The following ARHGEF37 variants were observed in gnomAD, a reference collection of about 807,000 sequenced individuals.
ARHGEF37 encodes Rho guanine nucleotide exchange factor 37.
Under a neutral mutation model 71.1 loss-of-function variants are expected in ARHGEF37, and 55 were observed. The ratio of observed to expected loss-of-function variants is 0.77; its 90% CI spans 0.62 to 0.97. The LOEUF (loss-of-function observed/expected upper bound fraction) is 0.97, where lower values mean the gene tolerates loss of function less well. ARHGEF37 is among the 50% of genes least tolerant of loss of function. The pLI is 0.00. For missense variants in ARHGEF37, 765 were observed against 836.8 expected (o/e 0.91, Z 1.06); for synonymous variants, 327 against 350.6 (o/e 0.93, Z 0.75).
chr5:149,624,093 T>C lies in ARHGEF37; in HGVS notation c.1417T>C (p.Ser473Pro), dbSNP rs1321512108. 1.9e-6 allele frequency: 3 copies of C among 1,612,006 alleles called. No individual in the cohort carries two copies. Among genetic ancestry groups the C allele is most frequent in the Middle Eastern group, 1.6e-4 (1 of 6,080 alleles). ...GGGCCGGACGAGTAACCAGCTTCGC[T>C]CCTTTCAAGAGACCTTTGAGAAAGT... The part of the protein sequence containing the change: ...ALGRTSNQLR[S>P]FQETFEKVQP... Residue 473 changes from serine (S) to proline (P), a missense_variant, in exon 10 of 13, where the codon TCC becomes CCC. Physicochemically the swap from Ser to Pro is moderately conservative, Grantham distance 74 (BLOSUM62 -1). Around this residue, in one of 5 missense-constraint regions of ARHGEF37, gnomAD observed 390 missense variants for 407.4 expected, o/e 0.96. Transcript: ENST00000333677.
chr5:149,621,822 G>A lies in ARHGEF37; in HGVS notation c.1095G>A (p.Leu365=). ...CTCAGAACCTGATCAAGAAGCGTCTGGACAAGCTACTGGACTTTGAGCGGG... is the reference window on the plus strand; with the variant it reads ...CTCAGAACCTGATCAAGAAGCGTCTAGACAAGCTACTGGACTTTGAGCGGG... The part of the protein sequence containing the change: ...LGPQNLIKKR[L]DKLLDFERVE... The change falls in exon 9 of 13, where the codon CTG becomes CTA. Residue 365 remains leucine (L), a synonymous_variant. Transcript: ENST00000333677. 2 of 1,614,232 alleles carry A rather than the reference G, an allele frequency of 1.2e-6. No individual in the cohort carries two copies. Among genetic ancestry groups the A allele is most frequent in the Non-Finnish European group, 8.5e-7 (1 of 1,180,052 alleles).
At chr5:149,607,678 AAG>A (rs1472506020) in intron 3 of ARHGEF37, among the ~76,000 whole-genome samples, 1 of 151,898 alleles carries the variant, frequency 6.6e-6, no homozygotes, top group African/African-American at 2.4e-5. Context: ...CGGTGGAGTT[AAG>A]AGCAATGTTT....
chr5:149,580,622 A>C (rs1163104308), upstream of ARHGEF37, among the ~76,000 whole-genome samples: 1 of 152,162 alleles, frequency 6.6e-6, no homozygotes, highest in South Asian at 2.1e-4. Flanking sequence ...AATGATACCT[A>C]TCTCTTAGAG....
intron 1 of ARHGEF37, among the ~76,000 whole-genome samples, chr5:149,572,388 A>G (rs993573653): frequency 1.3e-5 from 2 of 152,248 alleles, no homozygotes; most frequent in African/African-American, 4.8e-5. Context: ...GAGACAAGTA[A>G]ACATTACCCA....
chr5:149,571,000 T>C (rs1762956347), intron 1 of ARHGEF37, among the ~76,000 whole-genome samples: 1 of 152,128 alleles, frequency 6.6e-6, no homozygotes, highest in Non-Finnish European at 1.5e-5. Flanking sequence ...TGGAGTGCAG[T>C]AGCACAATCT....
chr5:149,560,130 T>C (rs113261791), intron 1 of ARHGEF37, among the ~76,000 whole-genome samples: 1,806 of 152,278 alleles, frequency 0.012, 34 homozygotes, highest in African/African-American at 0.037. Context: ...TGTTTGTTGT[T>C]TTGAGACAGA....
chr5:149,613,374 T>A (rs1404142692), intron 4 of ARHGEF37, among the ~76,000 whole-genome samples: 1 of 147,164 alleles, frequency 6.8e-6, no homozygotes. Flanking sequence ...TGAGACGGAG[T>A]TTTGCTCTGT....
intron 1 of ARHGEF37, among the ~76,000 whole-genome samples, chr5:149,592,623 A>G (rs971281977): frequency 6.6e-6 from 1 of 152,248 alleles, no homozygotes; most frequent in Admixed American, 6.5e-5. Context: ...GTTTTTGTAC[A>G]TAAGTTCTCT....
intron 1 of ARHGEF37, among the ~76,000 whole-genome samples, chr5:149,594,984 G>A (rs1321185579): frequency 6.6e-6 from 1 of 152,182 alleles, no homozygotes; most frequent in Non-Finnish European, 1.5e-5. Flanking sequence ...ATTACATACT[G>A]TGTGATTCCA....
At chr5:149,612,740 C>T (rs1311138192) in intron 4 of ARHGEF37, among the ~76,000 whole-genome samples, 1 of 152,236 alleles carries the variant, frequency 6.6e-6, no homozygotes, top group African/African-American at 2.4e-5. Context: ...CTGGTCCTGT[C>T]CCTGCCCGTT....
At chr5:149,559,690 T>C (rs907756899) in intron 1 of ARHGEF37, among the ~76,000 whole-genome samples, 4 of 152,246 alleles carry the variant, frequency 2.6e-5, no homozygotes, top group Admixed American at 6.5e-5. Context: ...ATATAGTTTG[T>C]GGTGATTAAA....
intron 3 of ARHGEF37, among the ~76,000 whole-genome samples, chr5:149,605,504 A>G (rs1763891476): frequency 6.6e-6 from 1 of 152,184 alleles, no homozygotes; most frequent in African/African-American, 2.4e-5. Flanking sequence ...CAAGTGCCCA[A>G]TAGCCACGTG....
At chr5:149,565,613 C>T (rs1239405648) in intron 1 of ARHGEF37, among the ~76,000 whole-genome samples, 2 of 152,218 alleles carry the variant, frequency 1.3e-5, no homozygotes, top group African/African-American at 4.8e-5. Flanking sequence ...GCTGTAAGCA[C>T]TGGGCTTATT....
chr5:149,594,641 T>C lies in ARHGEF37; in HGVS notation c.-11-3118T>C, dbSNP rs371869531. 8.5e-5 allele frequency among the ~76,000 whole-genome samples: 13 copies of C among 152,288 alleles called. 1 individual carries two copies. Among genetic ancestry groups the C allele is most frequent in the African/African-American group, 3.1e-4 (13 of 41,554 alleles). ...GTGAGGCACAGAGGAGGATACAAGA[T>C]GAATAGGTGCTCATCTTGCCTCCAA... On this transcript the variant is annotated intron_variant, in intron 1 of 12. Coordinates refer to ENST00000333677, the MANE Select transcript of ARHGEF37 (RefSeq NM_001001669.3).
chr5:149,624,900 G>GTTTTTT (rs70973533), intron 10 of ARHGEF37, among the ~76,000 whole-genome samples: 3 of 134,070 alleles, frequency 2.2e-5, no homozygotes, highest in Non-Finnish European at 3.1e-5. Flanking sequence ...ATGCTTTTGG[G>GTTTTTT]TTTTTTTTTT....
intron 7 of ARHGEF37, 124 bp from the exon 8 acceptor site, chr5:149,620,230 G>A: frequency 1.6e-6 from 1 of 618,100 alleles, no homozygotes; most frequent in Non-Finnish European, 2.9e-6. Flanking sequence ...AGCTGTGTGT[G>A]TCCCTCTCAT....
At chr5:149,595,442 A>C (rs1763518518) in intron 1 of ARHGEF37, among the ~76,000 whole-genome samples, 1 of 152,140 alleles carries the variant, frequency 6.6e-6, no homozygotes, top group Admixed American at 6.5e-5. Flanking sequence ...TAGCCTCCCA[A>C]AGTTCTGGGA....
chr5:149,597,740 A>T lies in ARHGEF37; in HGVS notation c.-11-19A>T, dbSNP rs1763586847. The T allele has an allele frequency of 4.0e-6, 6 of 1,512,032 alleles. No individual in the cohort carries two copies. Among genetic ancestry groups the T allele is most frequent in the Non-Finnish European group, 5.3e-6 (6 of 1,133,482 alleles). 93.7% of individuals were successfully genotyped at this position (1,512,032 alleles called of 1,614,324 possible). ...TAGTTCTTCCTGGAAGTGAGTGGGG[A>T]TGCTTTTGCTTTTCCCAGAACCTGC... On this transcript the variant is annotated intron_variant, in intron 1 of 12. Transcript: ENST00000333677.
intron 4 of ARHGEF37, among the ~76,000 whole-genome samples, chr5:149,612,738 G>A (rs1752233861): frequency 6.6e-6 from 1 of 152,216 alleles, no homozygotes; most frequent in Non-Finnish European, 1.5e-5. Flanking sequence ...ACCTGGTCCT[G>A]TCCCTGCCCG....
Sources: gnomAD v4.1 joint callset for allele counts (sites outside exome capture counted in the v4.1 genomes callset) on GRCh38, gnomAD v4.1.1 for gene constraint, gnomAD v4.1.1 regional missense constraint, MANE v1.5 for transcripts, NCBI Gene and HGNC (gene_info 2026-07-23, HGNC 2026-07-21) for gene names.